PCSK1N: variants seen among roughly 807,000 people sequenced by gnomAD.
PCSK1N encodes proprotein convertase subtilisin/kexin type 1 inhibitor.
PCSK1N carries 8 observed loss-of-function variants against 10.6 expected under a neutral mutation model. The observed-to-expected ratio is 0.76, with a 90% CI of 0.44 to 1.37. PCSK1N has a LOEUF of 1.37. Among genes scored for constraint, PCSK1N ranks in the 40% most tolerant of loss-of-function variants. The pLI is 0.00. For missense variants in PCSK1N, 301 were observed against 268.5 expected (o/e 1.12, Z -0.84); for synonymous variants, 143 against 137.1 (o/e 1.04, Z -0.30).
chrX:48,833,403 C>A (rs946550976), intron 1 of PCSK1N, among the ~76,000 whole-genome samples: 2 of 111,758 alleles, frequency 1.8e-5, no homozygotes, highest in Non-Finnish European at 3.8e-5. Flanking sequence ...AAATTAAAAA[C>A]CTCATTAGTA....
At position 48,833,507 on chromosome X, in the gene PCSK1N, T is replaced by C. The variant is rs1343222052; in HGVS notation, c.115-1166A>G. Among the ~76,000 whole-genome samples, 3 of 112,638 alleles carry C rather than the reference T, an allele frequency of 2.7e-5. No individual in the cohort carries two copies. In the Admixed American group the frequency reaches 2.8e-4, roughly 11 times the overall value. ...TCAAAAAGTCTGATAATATGAAGTG[T>C]TGATATGAATGCAGAAAAATGGGAA... On this transcript the variant is annotated intron_variant, in intron 1 of 2. Transcript: ENST00000218230.
At chrX:48,832,582 C>T (rs1362522634) in intron 1 of PCSK1N, among the ~76,000 whole-genome samples, 1 of 96,789 alleles carries the variant, frequency 1.0e-5, no homozygotes, top group African/African-American at 3.8e-5. Flanking sequence ...CCAGTGATCC[C>T]TTGGTGACTC....
At chrX:48,835,370 C>T in intron 1 of PCSK1N, 49 bp downstream of exon 1, 1 of 559,458 alleles carries the variant, frequency 1.8e-6, no homozygotes, top group East Asian at 4.7e-5. Context: ...CAACCCTCGC[C>T]GGTGGCATCC....
At chrX:48,832,463 C>A in intron 1 of PCSK1N, 122 bp from the exon 2 acceptor site, 1 of 513,215 alleles carries the variant, frequency 1.9e-6, no homozygotes, top group Non-Finnish European at 3.0e-6. Flanking sequence ...CGTGACCATC[C>A]AAATATACCC....
In PCSK1N at chrX:48,835,521, C is replaced by T. The variant is rs2063184266; in HGVS notation, c.12G>A (p.Ser4=). The T allele has an allele frequency of 1.1e-6, 1 of 905,979 alleles. No homozygotes were observed. The highest frequency in any genetic ancestry group is 1.4e-6 in the Non-Finnish European group (1 of 727,274). 74.7% of individuals were successfully genotyped at this position (905,979 alleles called of 1,213,427 possible). ...CGGCCCGCGGCCCCCAGAGCAGCGG[C>T]GACCCCGCCATGCTGCCCCAGCGAG... MAG[S]PLLWGPRAGG... The change falls in exon 1 of 3, where the codon TCG becomes TCA. Residue 4 remains serine, a synonymous_variant. Transcript: ENST00000218230.
In PCSK1N at chrX:48,831,922, C is replaced by G. The variant is rs1366282441; in HGVS notation, c.534G>C (p.Pro178=). The G allele has an allele frequency of 7.4e-6, 8 of 1,082,679 alleles. No homozygotes were observed. The highest frequency in any genetic ancestry group is 8.3e-6 in the Non-Finnish European group (7 of 840,095). The allele number at this position is 1,082,679 out of a possible 1,213,427, so 89.2% of individuals were successfully genotyped here. A position where few individuals can be genotyped will look rare whatever the true frequency, so the allele number is the denominator to read the frequency against. ...TCTCGTCGCCTGCCTCCTCAGCATC[C>G]GGGCCCGCGGGGCCGTCGTCGTAGA... ...PPVYDDGPAG[P]DAEEAGDETP... The change falls in exon 2 of 3, where the codon CCG becomes CCC. Residue 178 remains proline, a synonymous_variant. Coordinates refer to ENST00000218230, the MANE Select transcript of PCSK1N (RefSeq NM_013271.5).
At position 48,835,444 on chromosome X, in the gene PCSK1N, G is replaced by A; in HGVS notation, c.89C>T (p.Pro30Leu). The A allele has an allele frequency of 1.0e-6, 1 of 957,790 alleles. No individual in the cohort carries two copies. Among genetic ancestry groups the A allele is most frequent in the Non-Finnish European group, 1.3e-6 (1 of 763,888 alleles). The allele number at this position is 957,790 out of a possible 1,213,427, so 78.9% of individuals were successfully genotyped here. The change falls in exon 1 of 3, where the codon CCC becomes CTC. Residue 30 changes from proline (P) to leucine (L), a missense_variant. Transcript: ENST00000218230. ...LLLLGLFRPP[P>L]ALCARPVKEP... is the part of the protein sequence containing the mutation. ...CTTTACCGGCCGCGCGCAGAGCGCGGGGGGCGGCCGAAACAGGCCGAGCAG... is the reference window on the plus strand; with the variant it reads ...CTTTACCGGCCGCGCGCAGAGCGCGAGGGGCGGCCGAAACAGGCCGAGCAG...
In PCSK1N at chrX:48,835,604, A is replaced by C. The variant is rs1557034056; in HGVS notation, c.-72T>G. ...TGCGCAGTGCCGGGGCGAGCTGGCG[A>C]GGCTGCGGCGCTCTGCGGCTGCGCA... On this transcript the variant is annotated 5_prime_UTR_variant, in exon 1 of 3. Coordinates refer to ENST00000218230, the MANE Select transcript of PCSK1N (RefSeq NM_013271.5). 3 of 373,715 alleles carry C rather than the reference A, an allele frequency of 8.0e-6. No individual in the cohort carries two copies. The highest frequency in any genetic ancestry group is 1.1e-5 in the Non-Finnish European group (3 of 263,846). The allele number at this position is 373,715 out of a possible 1,213,427, so 30.8% of individuals were successfully genotyped here.
In PCSK1N at chrX:48,835,506, C is replaced by T. The variant is rs1385361716; in HGVS notation, c.27G>A (p.Gly9=). The change falls in exon 1 of 3, where the codon GGG becomes GGA. Residue 9 remains glycine (G), a synonymous_variant. Coordinates refer to ENST00000218230, the MANE Select transcript of PCSK1N (RefSeq NM_013271.5). ...AAAGGCCGACGCCCCCGGCCCGCGG[C>T]CCCCAGAGCAGCGGCGACCCCGCCA... MAGSPLLW[G]PRAGGVGLLV... 6.4e-6 allele frequency: 6 copies of T among 936,788 alleles called. No homozygotes were observed. Among genetic ancestry groups the T allele is most frequent in the Non-Finnish European group, 8.0e-6 (6 of 751,844 alleles). The allele number at this position is 936,788 out of a possible 1,213,427, so 77.2% of individuals were successfully genotyped here.
In PCSK1N at chrX:48,831,966, G is replaced by A. The variant is rs2063174237; in HGVS notation, c.490C>T (p.Leu164Phe). Residue 164 changes from leucine to phenylalanine, a missense_variant, in exon 2 of 3, where the codon CTC becomes TTC. By Grantham distance (22) the Leu-to-Phe change is conservative. Coordinates refer to ENST00000218230, the MANE Select transcript of PCSK1N (RefSeq NM_013271.5). ...LVPAPVPAAA[L>F]RPRPPVYDDG... ...TCGTAGACCGGGGGCCGGGGTCGGA[G>A]CGCCGCGGCGGGGACGGGCGCGGGG... 1 of 1,063,758 alleles carries A rather than the reference G, an allele frequency of 9.4e-7. No individual in the cohort carries two copies. Among genetic ancestry groups the A allele is most frequent in the Non-Finnish European group, 1.2e-6 (1 of 831,373 alleles). The allele number at this position is 1,063,758 out of a possible 1,213,427, so 87.7% of individuals were successfully genotyped here.
At chrX:48,832,986 A>T (rs2063177839) in intron 1 of PCSK1N, among the ~76,000 whole-genome samples, 1 of 112,399 alleles carries the variant, frequency 8.9e-6, no homozygotes. Context: ...TACACAGAAG[A>T]TACAGAGAAT....
At position 48,835,419 on chromosome X, in the gene PCSK1N, C is replaced by T; in HGVS notation, c.114G>A (p.Lys38=). Residue 38 remains lysine (K), a splice_region_variant and synonymous_variant, in exon 1 of 3, where the codon AAG becomes AAA. Coordinates refer to ENST00000218230, the MANE Select transcript of PCSK1N (RefSeq NM_013271.5). The part of the protein sequence containing the change: ...PPPALCARPV[K]EPRGLSAASP... Reference sequence around the variant, plus strand: ...ACCCCTCGCCGGACTGGGGTCGCACCTTTACCGGCCGCGCGCAGAGCGCGG... The same window carrying T: ...ACCCCTCGCCGGACTGGGGTCGCACTTTTACCGGCCGCGCGCAGAGCGCGG... 1.1e-6 allele frequency: 1 copy of T among 910,435 alleles called. No individual in the cohort carries two copies. The highest frequency in any genetic ancestry group is 1.4e-6 in the Non-Finnish European group (1 of 727,338). 75.0% of individuals were successfully genotyped at this position (910,435 alleles called of 1,213,427 possible).
In PCSK1N at chrX:48,835,505, G is replaced by C; in HGVS notation, c.28C>G (p.Pro10Ala). The C allele has an allele frequency of 1.1e-6, 1 of 936,695 alleles. No homozygotes were observed. The highest frequency in any genetic ancestry group is 1.3e-6 in the Non-Finnish European group (1 of 751,830). 77.2% of individuals were successfully genotyped at this position (936,695 alleles called of 1,213,427 possible). The change falls in exon 1 of 3, where the codon CCG becomes GCG. Residue 10 changes from proline (P) to alanine (A), a missense_variant. Physicochemically the swap from Pro to Ala is conservative, Grantham distance 27. Transcript: ENST00000218230. MAGSPLLWG[P>A]RAGGVGLLVL... ...AAAAGGCCGACGCCCCCGGCCCGCG[G>C]CCCCCAGAGCAGCGGCGACCCCGCC...
chrX:48,832,416 C>T, intron 1 of PCSK1N, 75 bp from the exon 2 acceptor site: 2 of 838,558 alleles, frequency 2.4e-6, no homozygotes, highest in South Asian at 2.8e-5. Context: ...CGGGAAGCTT[C>T]GTAGGCCTCA....
In PCSK1N at chrX:48,832,304, G is replaced by A; in HGVS notation, c.152C>T (p.Ala51Val). The A allele has an allele frequency of 7.0e-6, 8 of 1,145,236 alleles. No homozygotes were observed. The highest frequency in any genetic ancestry group is 9.3e-6 in the Non-Finnish European group (8 of 864,428). The allele number at this position is 1,145,236 out of a possible 1,213,427, so 94.4% of individuals were successfully genotyped here. The change falls in exon 2 of 3, where the codon GCT becomes GTT. Residue 51 changes from alanine to valine, a missense_variant. By Grantham distance (64) the Ala-to-Val change is moderately conservative. Transcript: ENST00000218230. ...RGLSAASPPLAETGAPRRFRR... is the reference protein window; with the variant it reads ...RGLSAASPPLVETGAPRRFRR... ...GAAGCGGCGAGGAGCGCCAGTCTCAGCCAAGGGCGGAGACGCTGCGCTTAG... is the reference window on the plus strand; with the variant it reads ...GAAGCGGCGAGGAGCGCCAGTCTCAACCAAGGGCGGAGACGCTGCGCTTAG...
At chrX:48,834,241 T>A (rs1371428985) in intron 1 of PCSK1N, among the ~76,000 whole-genome samples, 2 of 111,957 alleles carry the variant, frequency 1.8e-5, no homozygotes, top group Non-Finnish European at 3.8e-5. Context: ...AGAGTTATTT[T>A]GTCATCATTC....
intron 2 of PCSK1N, 106 bp from the exon 3 acceptor site, chrX:48,831,561 G>A: frequency 3.2e-6 from 2 of 626,348 alleles, no homozygotes; most frequent in Non-Finnish European, 4.5e-6. Context: ...TACTGCCTGG[G>A]GACACGGTTC....
At chrX:48,831,617 C>T in intron 2 of PCSK1N, among the ~76,000 whole-genome samples, 162 bp from the exon 3 acceptor site, 1 of 112,358 alleles carries the variant, frequency 8.9e-6, no homozygotes, top group Non-Finnish European at 1.9e-5. Flanking sequence ...AGTAGACAGC[C>T]GTCATCGCCT....
chrX:48,834,531 C>T, intron 1 of PCSK1N: 8 of 748,388 alleles, frequency 1.1e-5, no homozygotes, highest in Non-Finnish European at 1.3e-5. Flanking sequence ...ACGTTCACAT[C>T]CGCAGCTGCT....
Sources: gnomAD v4.1 joint callset for allele counts (sites outside exome capture counted in the v4.1 genomes callset) on GRCh38, gnomAD v4.1.1 for gene constraint, MANE v1.5 for transcripts, NCBI Gene and HGNC (gene_info 2026-07-23, HGNC 2026-07-21) for gene names.